SNX14: variants seen among roughly 807,000 people sequenced by gnomAD.
The protein encoded by SNX14 is sorting nexin-14.
A neutral mutation model predicts 133.8 loss-of-function variants in SNX14; 93 were observed. The ratio of observed to expected loss-of-function variants is 0.70; its 90% confidence interval spans 0.59 to 0.83. SNX14 has a LOEUF of 0.83. Ranked by LOEUF, SNX14 falls within the 40% of genes least tolerant of loss-of-function variation. The pLI is 0.00. For synonymous variants in SNX14, 368 were observed against 365.6 expected, an observed-to-expected ratio of 1.01 and a Z score of -0.07; for missense variants, 945 against 1,094.9, an observed-to-expected ratio of 0.86 and a Z score of 1.93.
chr6:85,533,180 C>T (rs1780806846), intron 18 of SNX14, among the ~76,000 whole-genome samples: 1 of 152,212 alleles, frequency 6.6e-6, no homozygotes, highest in Non-Finnish European at 1.5e-5. Flanking sequence ...AGCCACCATG[C>T]CTGGCCATAT....
rs749420274 is a variant in SNX14 at position 85,526,138 on chromosome 6, C to T, written c.2095G>A (p.Asp699Asn). ...TAAATTGACTTACCAAGATTTACATCTGGTAGTATCTTATCAAGAAATTGT... is the reference window on the plus strand; with the variant it reads ...TAAATTGACTTACCAAGATTTACATTTGGTAGTATCTTATCAAGAAATTGT... ...ETQFLDKILP[D>N]VNLGKIIKSV... Residue 699 changes from aspartate (D) to asparagine (N), a missense_variant, in exon 21 of 29, where the codon GAT becomes AAT. By Grantham distance (23) the Asp-to-Asn change is conservative (BLOSUM62 1). Coordinates refer to ENST00000314673, the MANE Select transcript of SNX14 (RefSeq NM_153816.6). 6.4e-6 allele frequency: 10 copies of T among 1,571,394 alleles called. No individual in the cohort carries two copies. Among genetic ancestry groups the T allele is most frequent in the Non-Finnish European group, 2.6e-6 (3 of 1,154,946 alleles).
At chr6:85,526,894 C>T (rs983021282) in intron 20 of SNX14, among the ~76,000 whole-genome samples, 4 of 152,046 alleles carry the variant, frequency 2.6e-5, no homozygotes, top group South Asian at 2.1e-4. Flanking sequence ...CATGGCAAAA[C>T]CCCGTCTGTA....
intron 4 of SNX14, chr6:85,567,795 T>C: frequency 6.3e-6 from 2 of 318,758 alleles, no homozygotes; most frequent in Non-Finnish European, 1.2e-5. Flanking sequence ...CCAGCCTGGG[T>C]AACATGATGA....
intron 26 of SNX14, among the ~76,000 whole-genome samples, chr6:85,511,406 C>G (rs1181541267): frequency 6.6e-6 from 1 of 152,090 alleles, no homozygotes; most frequent in Non-Finnish European, 1.5e-5. Context: ...CTCTTTATTT[C>G]CTTTTCTTGT....
intron 12 of SNX14, among the ~76,000 whole-genome samples, chr6:85,545,841 G>A (rs1209669598): frequency 2.6e-5 from 4 of 151,980 alleles, no homozygotes; most frequent in South Asian, 2.1e-4. Flanking sequence ...GAGCCAACAC[G>A]CCCAGCTAAT....
At chr6:85,516,971 A>G (rs1359072626) in intron 23 of SNX14, among the ~76,000 whole-genome samples, 1 of 152,114 alleles carries the variant, frequency 6.6e-6, no homozygotes, top group East Asian at 1.9e-4. Flanking sequence ...ATCTATTAAT[A>G]CAAAAAGAGC....
chr6:85,591,222 G>C lies in SNX14; in HGVS notation c.140+2357C>G, dbSNP rs527331567. ...CATTTCAGAGATACTCTTATCATCTGTGTGTGTGTGTGTGTACGTGAATAC... is the reference window on the plus strand; with the variant it reads ...CATTTCAGAGATACTCTTATCATCTCTGTGTGTGTGTGTGTACGTGAATAC... On this transcript the variant is annotated intron_variant, in intron 1 of 28. Transcript: ENST00000314673. Among the ~76,000 whole-genome samples, 22 of 34,534 alleles carry C rather than the reference G, an allele frequency of 6.4e-4. No homozygotes were observed. In the African/African-American group the frequency reaches 6.9e-3, roughly 11 times the overall value. 22.7% of individuals were successfully genotyped at this position (34,534 alleles called of 152,430 possible).
chr6:85,571,425 G>A (rs1308848256), intron 4 of SNX14, among the ~76,000 whole-genome samples: 1 of 151,198 alleles, frequency 6.6e-6, no homozygotes, highest in Non-Finnish European at 1.5e-5. Context: ...GGGCTTTTAT[G>A]CAGGATACAA....
intron 27 of SNX14, 58 bp downstream of exon 27, chr6:85,507,910 T>G (rs1382115480): frequency 1.5e-6 from 2 of 1,356,190 alleles, no homozygotes; most frequent in Admixed American, 1.7e-5. Context: ...CCAGACACCT[T>G]ACTACGTCGT....
At chr6:85,550,576 G>A (rs979311889) in intron 7 of SNX14, among the ~76,000 whole-genome samples, 16 of 152,020 alleles carry the variant, frequency 1.1e-4, no homozygotes, top group Non-Finnish European at 2.4e-4. Context: ...TCAGCTCACT[G>A]TAGCCTCGAC....
chr6:85,550,221 T>C (rs1224290333), intron 7 of SNX14, among the ~76,000 whole-genome samples: 2 of 152,182 alleles, frequency 1.3e-5, no homozygotes, highest in Non-Finnish European at 2.9e-5. Context: ...CAAAAAAATA[T>C]GTAACGAAGT....
intron 6 of SNX14, among the ~76,000 whole-genome samples, chr6:85,564,153 T>G (rs1478236008): frequency 1.3e-5 from 2 of 152,240 alleles, no homozygotes; most frequent in East Asian, 3.8e-4. Context: ...TGCCACATTT[T>G]CTTAATCCAG....
At chr6:85,507,888 A>G in intron 27 of SNX14, 80 bp downstream of exon 27, 2 of 1,056,158 alleles carry the variant, frequency 1.9e-6, no homozygotes, top group Non-Finnish European at 2.8e-6. Context: ...CATTTATACA[A>G]CTAATGAGTT....
At chr6:85,564,267 A>G (rs62443353) in intron 6 of SNX14, among the ~76,000 whole-genome samples, 10 of 152,242 alleles carry the variant, frequency 6.6e-5, no homozygotes, top group Non-Finnish European at 1.3e-4. Context: ...CATGATTTAT[A>G]ATCCTTTGGG....
chr6:85,522,056 C>T (rs1328086006), intron 21 of SNX14, among the ~76,000 whole-genome samples: 1 of 152,220 alleles, frequency 6.6e-6, no homozygotes, highest in Non-Finnish European at 1.5e-5. Flanking sequence ...ACTATGAACA[C>T]ATGGATTTAT....
At chr6:85,524,739 A>T (rs1384868599) in intron 21 of SNX14, among the ~76,000 whole-genome samples, 1 of 150,776 alleles carries the variant, frequency 6.6e-6, no homozygotes, top group Non-Finnish European at 1.5e-5. Context: ...AGCCAAAATC[A>T]CACCACTGCA....
chr6:85,573,025 T>C (rs1405370342), intron 2 of SNX14, among the ~76,000 whole-genome samples: 1 of 152,218 alleles, frequency 6.6e-6, no homozygotes, highest in East Asian at 1.9e-4. Flanking sequence ...CTATTTTCTC[T>C]TTCTCCAAAA....
At chr6:85,561,087 A>G (rs915016374) in intron 6 of SNX14, 1 of 151,552 alleles carries the variant, frequency 6.6e-6, no homozygotes, top group African/African-American at 2.4e-5. Context: ...TAATCCCAGC[A>G]TTTTGGGAAG....
In SNX14 at chr6:85,507,257, C is replaced by T. The variant is rs1227690027; in HGVS notation, c.2778G>A (p.Gln926=). Residue 926 remains glutamine (Q), a synonymous_variant, in exon 28 of 29, where the codon CAG becomes CAA. Transcript: ENST00000314673. ...CCTTATTGAGCTCTGGAAACAGTTC[C>T]TGTATCACAATGTCCAATAAAACAT... ...LTYVLLDIVI[Q]ELFPELNKVQ... 20 of 1,611,178 alleles carry T rather than the reference C, an allele frequency of 1.2e-5. No individual in the cohort carries two copies. The East Asian group carries it at 4.2e-4, about 34-fold the overall frequency.
Sources: gnomAD v4.1 joint callset for allele counts (sites outside exome capture counted in the v4.1 genomes callset) on GRCh38, gnomAD v4.1.1 for gene constraint, MANE v1.5 for transcripts, NCBI Gene and HGNC (gene_info 2026-07-23, HGNC 2026-07-21) for gene names.